Variants in PRDM11 observed in about 807,000 individuals in gnomAD.
The protein encoded by PRDM11 is PR/SET domain 11.
In PRDM11, 20 loss-of-function variants were observed where a neutral mutation model predicts 97.8. The observed-to-expected ratio is 0.20, with a 90% CI of 0.14 to 0.30. PRDM11 has a LOEUF of 0.30. Ranked by LOEUF, PRDM11 falls within the 10% of genes least tolerant of loss-of-function variation. The pLI, the probability that PRDM11 is intolerant of heterozygous loss-of-function variation, is 1.00. For missense variants in PRDM11, 1,139 were observed against 1,555.2 expected, an observed-to-expected ratio of 0.73 and a Z score of 4.50; for synonymous variants, 599 against 637.7, an observed-to-expected ratio of 0.94 and a Z score of 0.91.
chr11:45,201,493 C>CTT (rs2135788703), intron 4 of PRDM11, among the ~76,000 whole-genome samples: 1 of 151,258 alleles, frequency 6.6e-6, no homozygotes, highest in Admixed American at 6.6e-5. Context: ...TTCTTTCTTT[C>CTT]TTCTTTTCTT....
intron 1 of PRDM11, among the ~76,000 whole-genome samples, chr11:45,155,964 T>C (rs752077319): frequency 2.0e-5 from 3 of 152,234 alleles, no homozygotes; most frequent in African/African-American, 4.8e-5. Context: ...AGAGGTAACA[T>C]TGAGGCCCAG....
intron 1 of PRDM11, among the ~76,000 whole-genome samples, chr11:45,122,288 G>A (rs56878932): frequency 0.014 from 2,088 of 149,544 alleles, 47 homozygotes; most frequent in African/African-American, 0.05. Context: ...ACAGGTTCTA[G>A]AGACATTTAA....
chr11:45,219,625 A>G lies in PRDM11; in HGVS notation c.610A>G (p.Ser204Gly), dbSNP rs1172211342. 9.3e-6 allele frequency: 15 copies of G among 1,613,972 alleles called. No individual in the cohort carries two copies. The highest frequency in any genetic ancestry group is 1.2e-5 in the Non-Finnish European group (14 of 1,180,014). ...GCAGAACCTGCTGGCGTTCCAGCACAGTGAGCGCATCTACTTCCGGGCGTG... is the reference window on the plus strand; with the variant it reads ...GCAGAACCTGCTGGCGTTCCAGCACGGTGAGCGCATCTACTTCCGGGCGTG... ...REQNLLAFQH[S>G]ERIYFRACRD... The change falls in exon 6 of 8, where the codon AGT becomes GGT. Residue 204 changes from serine to glycine, a missense_variant. Coordinates refer to ENST00000683152, the MANE Select transcript of PRDM11 (RefSeq NM_001384648.1). The surrounding 1 kb of genome is among the most constrained non-coding windows in gnomAD (Gnocchi z 4.2).
intron 4 of PRDM11, among the ~76,000 whole-genome samples, chr11:45,204,084 G>A (rs745461887): frequency 4.6e-5 from 7 of 152,290 alleles, no homozygotes; most frequent in Admixed American, 1.3e-4. Context: ...TTGCTTTTGC[G>A]CCGATGGCAG....
intron 1 of PRDM11, among the ~76,000 whole-genome samples, chr11:45,103,232 C>G (rs1172309053): frequency 6.6e-6 from 1 of 152,204 alleles, no homozygotes; most frequent in Non-Finnish European, 1.5e-5. Context: ...CCCCGCCGGG[C>G]CTGCCTCCTC....
intron 1 of PRDM11, among the ~76,000 whole-genome samples, chr11:45,111,959 A>G (rs1251678640): frequency 3.4e-5 from 2 of 59,312 alleles, no homozygotes; most frequent in African/African-American, 1.3e-4. Flanking sequence ...TTTAATTTTT[A>G]TTGTAATAGT....
chr11:45,182,132 C>T (rs1407140348), intron 2 of PRDM11, 114 bp from the exon 3 acceptor site: 9 of 925,564 alleles, frequency 9.7e-6, no homozygotes, highest in Non-Finnish European at 1.5e-5. Context: ...TGGGACTCCT[C>T]TGCCCACCCC....
chr11:45,147,593 T>C (rs1207182021), intron 1 of PRDM11: 1 of 152,348 alleles, frequency 6.6e-6, no homozygotes, highest in Non-Finnish European at 1.5e-5. Context: ...TACTCTCCTA[T>C]GCAGAAACTG....
chr11:45,119,794 A>G (rs1451522379), intron 1 of PRDM11, among the ~76,000 whole-genome samples: 2 of 152,122 alleles, frequency 1.3e-5, no homozygotes, highest in Non-Finnish European at 2.9e-5. Flanking sequence ...TTACTGAAAG[A>G]TATTATCTAT....
At chr11:45,212,777 G>A (rs781764950) in intron 5 of PRDM11, 8 of 456,340 alleles carry the variant, frequency 1.8e-5, no homozygotes, top group South Asian at 3.1e-5. Context: ...GCTGGTGACC[G>A]TGCACCGGGA....
At chr11:45,225,576 G>A (rs1854255076) in intron 7 of PRDM11, among the ~76,000 whole-genome samples, 1 of 152,212 alleles carries the variant, frequency 6.6e-6, no homozygotes, top group Non-Finnish European at 1.5e-5. Flanking sequence ...CCATATCCAA[G>A]ATGCCTTTGT....
intron 5 of PRDM11, chr11:45,209,100 G>A (rs1853620203): frequency 2.2e-6 from 1 of 456,736 alleles, no homozygotes; most frequent in South Asian, 1.5e-5. Flanking sequence ...CAGATGGGAT[G>A]ACATGAAACG....
At position 45,224,641 on chromosome 11, in the gene PRDM11, G is replaced by A; in HGVS notation, c.1167G>A (p.Lys389=). 6.2e-7 allele frequency: 1 copy of A among 1,614,172 alleles called. No homozygotes were observed. The highest frequency in any genetic ancestry group is 8.5e-7 in the Non-Finnish European group (1 of 1,180,026). ...EDEEEEPSSF[K]ADSPAEASLA... ...AAGAAGAGGAGCCTTCATCATTCAA[G>A]GCCGACAGTCCTGCCGAGGCCTCCC... The change falls in exon 7 of 8, where the codon AAG becomes AAA. Residue 389 remains lysine, a synonymous_variant. Transcript: ENST00000683152.
At chr11:45,108,920 A>G (rs553232712) in intron 1 of PRDM11, among the ~76,000 whole-genome samples, 1 of 152,394 alleles carries the variant, frequency 6.6e-6, no homozygotes, top group Admixed American at 6.5e-5. Context: ...AAATACACGC[A>G]GATTCTGCAT....
At chr11:45,144,148 T>C (rs2135670694), upstream of PRDM11, among the ~76,000 whole-genome samples, 1 of 152,348 alleles carries the variant, frequency 6.6e-6, no homozygotes, top group Non-Finnish European at 1.5e-5. Flanking sequence ...TGCCTTGGCC[T>C]TGACTATGTA....
intron 1 of PRDM11, among the ~76,000 whole-genome samples, chr11:45,139,932 C>A (rs143284794): frequency 7.4e-4 from 112 of 152,244 alleles, no homozygotes; most frequent in African/African-American, 2.6e-3. Context: ...TATTTGGAAT[C>A]ATTAAGCCCA....
At chr11:45,141,509 T>A (rs189203072) in intron 1 of PRDM11, among the ~76,000 whole-genome samples, 2 of 152,324 alleles carry the variant, frequency 1.3e-5, no homozygotes, top group Admixed American at 1.3e-4. Flanking sequence ...ACTTGTAAAT[T>A]GAAAAGGAAC....
At chr11:45,162,354 TGGAGAAAGTAAGG>T (rs1851950113) in intron 1 of PRDM11, among the ~76,000 whole-genome samples, 1 of 151,906 alleles carries the variant, frequency 6.6e-6, no homozygotes, top group Admixed American at 6.6e-5. Context: ...ATTTTTAGGC[TGGAGAAAGTAAGG>T]CTCAGAGAGG....
At position 45,123,519 on chromosome 11, in the gene PRDM11, G is replaced by A. The variant is rs868142280; in HGVS notation, c.96+27618G>A. 6.9e-3 allele frequency among the ~76,000 whole-genome samples: 1,043 copies of A among 152,136 alleles called. 9 individuals carry two copies. Among genetic ancestry groups the A allele is most frequent in the Middle Eastern group, 0.031 (9 of 290 alleles). ...TTTAATCCATCTTGAATTAATTTTT[G>A]TATAAGGTGTAAGAAAGGGATCCAG... On this transcript the variant is annotated intron_variant, in intron 1 of 6. Transcript: ENST00000530656.
Sources: allele counts gnomAD v4.1 joint callset (sites outside exome capture counted in the v4.1 genomes callset), GRCh38; gene constraint gnomAD v4.1.1; non-coding constraint Gnocchi (gnomAD v3.1); transcripts MANE v1.5; gene names NCBI Gene and HGNC (gene_info 2026-07-23, HGNC 2026-07-21).